The following ATRNL1 variants were observed in gnomAD, a reference collection of about 807,000 sequenced individuals.
ATRNL1 encodes attractin-like protein 1.
In ATRNL1, 95 loss-of-function variants were observed where a neutral mutation model predicts 182.7. The observed-to-expected ratio is 0.52, with a 90% CI of 0.44 to 0.62. The LOEUF (loss-of-function observed/expected upper bound fraction) is 0.62. Among genes scored for constraint, ATRNL1 ranks in the 20% least tolerant of loss-of-function variants. ATRNL1 has a pLI of 0.00. For missense variants in ATRNL1, 1,471 were observed against 1,679.5 expected (o/e 0.88, Z 2.17); for synonymous variants, 576 against 568.3 (o/e 1.01, Z -0.19).
At chr10:115,259,475 A>AGC (rs1554908107) in intron 10 of ATRNL1, among the ~76,000 whole-genome samples, 1 of 152,182 alleles carries the variant, frequency 6.6e-6, no homozygotes, top group Non-Finnish European at 1.5e-5. Context: ...CTTTGGGAAA[A>AGC]GCGCAGTATT....
intron 27 of ATRNL1, among the ~76,000 whole-genome samples, chr10:115,835,263 G>A (rs1177415345): frequency 2.0e-5 from 3 of 151,994 alleles, no homozygotes; most frequent in African/African-American, 7.3e-5. Context: ...TCAGAGGAAA[G>A]GTGACCTCTT....
chr10:115,411,682 A>T (rs1238719274), intron 20 of ATRNL1, among the ~76,000 whole-genome samples: 5 of 152,118 alleles, frequency 3.3e-5, no homozygotes, highest in Non-Finnish European at 5.9e-5. Context: ...AGAAATATTA[A>T]CATGATTTAT....
At chr10:115,725,338 A>G (rs1555059611) in intron 26 of ATRNL1, among the ~76,000 whole-genome samples, 1 of 151,896 alleles carries the variant, frequency 6.6e-6, no homozygotes, top group African/African-American at 2.4e-5. Context: ...AGTCCATGGA[A>G]CTCTATTTTT....
chr10:115,546,115 T>C (rs1852639108), intron 25 of ATRNL1, among the ~76,000 whole-genome samples: 1 of 152,200 alleles, frequency 6.6e-6, no homozygotes, highest in African/African-American at 2.4e-5. Context: ...GCTTTTCTAA[T>C]CATGAACATT....
chr10:115,153,627 G>A (rs1001945316), intron 5 of ATRNL1, among the ~76,000 whole-genome samples: 9 of 151,812 alleles, frequency 5.9e-5, no homozygotes, highest in Non-Finnish European at 1.2e-4. Context: ...ACTTGCTAGC[G>A]GTCTATCAAT....
intron 26 of ATRNL1, among the ~76,000 whole-genome samples, chr10:115,658,286 G>A (rs1202330811): frequency 1.3e-5 from 2 of 150,138 alleles, no homozygotes; most frequent in East Asian, 3.9e-4. Context: ...TAGTAGAGAC[G>A]GGGAATTTTT....
At position 115,536,647 on chromosome 10, in the gene ATRNL1, T is replaced by C. The variant is rs996249932; in HGVS notation, c.3717-12811T>C. On this transcript the variant is annotated intron_variant, in intron 25 of 28. Coordinates refer to ENST00000355044, the MANE Select transcript of ATRNL1 (RefSeq NM_207303.4). ...CCTGCGCCCACTGTCTGGCACTCCC[T>C]AGTGAGATGAACCCGGTACCTCAGA... Among the ~76,000 whole-genome samples, 3 of 152,298 alleles carry C rather than the reference T, an allele frequency of 2.0e-5. No individual in the cohort carries two copies. In the East Asian group the frequency reaches 5.8e-4, roughly 30 times the overall value.
intron 26 of ATRNL1, among the ~76,000 whole-genome samples, chr10:115,578,263 T>A (rs1854852030): frequency 6.6e-6 from 1 of 151,882 alleles, no homozygotes; most frequent in African/African-American, 2.4e-5. Flanking sequence ...GATACTAGCT[T>A]CATAAGATGA....
At chr10:115,255,565 C>T (rs1215330884) in intron 10 of ATRNL1, among the ~76,000 whole-genome samples, 1 of 152,158 alleles carries the variant, frequency 6.6e-6, no homozygotes, top group Non-Finnish European at 1.5e-5. Flanking sequence ...TCTAAATATG[C>T]AATCATGTCA....
At chr10:115,235,418 T>C (rs782192937) in intron 9 of ATRNL1, among the ~76,000 whole-genome samples, 34 of 152,152 alleles carry the variant, frequency 2.2e-4, no homozygotes, top group Non-Finnish European at 4.1e-4. Flanking sequence ...CAACCACTAA[T>C]TTAATTTCTC....
At chr10:115,546,741 C>T (rs554366038) in intron 25 of ATRNL1, among the ~76,000 whole-genome samples, 1 of 152,118 alleles carries the variant, frequency 6.6e-6, no homozygotes, top group South Asian at 2.1e-4. Flanking sequence ...AGTAACATCC[C>T]ACTAGATGCC....
At chr10:115,764,296 C>G (rs1948803835) in intron 27 of ATRNL1, among the ~76,000 whole-genome samples, 1 of 152,122 alleles carries the variant, frequency 6.6e-6, no homozygotes, top group African/African-American at 2.4e-5. Context: ...CTTGATGAAG[C>G]TACATTGACA....
chr10:115,403,848 A>G (rs1277742173), intron 20 of ATRNL1, among the ~76,000 whole-genome samples: 1 of 152,242 alleles, frequency 6.6e-6, no homozygotes, highest in Non-Finnish European at 1.5e-5. Context: ...TAATGAGTTA[A>G]GCAGCCTTGA....
At chr10:115,334,576 T>C (rs1274977013) in intron 19 of ATRNL1, among the ~76,000 whole-genome samples, 157 bp downstream of exon 19, 3 of 152,238 alleles carry the variant, frequency 2.0e-5, no homozygotes, top group African/African-American at 7.2e-5. Context: ...CTGTGAACTA[T>C]AAAAATTCTG....
intron 27 of ATRNL1, among the ~76,000 whole-genome samples, chr10:115,782,134 C>A (rs1949280571): frequency 6.6e-6 from 1 of 152,176 alleles, no homozygotes; most frequent in Admixed American, 6.5e-5. Context: ...TATTCTAACT[C>A]AGATAAAGTG....
At chr10:115,407,382 T>A (rs1470733235) in intron 20 of ATRNL1, among the ~76,000 whole-genome samples, 1 of 152,142 alleles carries the variant, frequency 6.6e-6, no homozygotes, top group African/African-American at 2.4e-5. Flanking sequence ...TATTTCTCTT[T>A]CCCTACACCC....
At chr10:115,469,031 T>G (rs2134562709) in intron 23 of ATRNL1, 141 bp from the exon 24 acceptor site, 1 of 340,090 alleles carries the variant, frequency 2.9e-6, no homozygotes, top group South Asian at 1.4e-4. Flanking sequence ...TATGGCAAAC[T>G]TATTTTCCTT....
At position 115,452,575 on chromosome 10, in the gene ATRNL1, A is replaced by C. The variant is rs565640128; in HGVS notation, c.3323-9366A>C. ...TACAATTGGCATAGAAAAACTGTAC[A>C]CAATAAATATCCACAATTTGATAAA... On this transcript the variant is annotated intron_variant, in intron 21 of 28. Transcript: ENST00000355044. Among the ~76,000 whole-genome samples, 13 of 152,306 alleles carry C rather than the reference A, an allele frequency of 8.5e-5. No homozygotes were observed. The East Asian group carries it at 2.1e-3, about 25-fold the overall frequency.
intron 21 of ATRNL1, among the ~76,000 whole-genome samples, chr10:115,439,410 AT>A (rs1305886355): frequency 2.0e-5 from 3 of 151,558 alleles, no homozygotes; most frequent in African/African-American, 4.8e-5. Flanking sequence ...ATTGGTTTAC[AT>A]TTTTTTTGGC....
Sources: gnomAD v4.1 joint callset for allele counts (sites outside exome capture counted in the v4.1 genomes callset) on GRCh38, gnomAD v4.1.1 for gene constraint, MANE v1.5 for transcripts, NCBI Gene and HGNC (gene_info 2026-07-23, HGNC 2026-07-21) for gene names.